PITPNB: variants seen among roughly 807,000 people sequenced by gnomAD.
PITPNB encodes phosphatidylinositol transfer protein beta.
PITPNB carries 16 observed loss-of-function variants against 45.9 expected under a neutral mutation model. The observed-to-expected ratio is 0.35, with a 90% confidence interval of 0.24 to 0.53. The LOEUF (loss-of-function observed/expected upper bound fraction) is 0.53, where lower values mean the gene tolerates loss of function less well. Ranked by LOEUF, PITPNB falls within the 20% of genes least tolerant of loss-of-function variation. The pLI, the probability that PITPNB is intolerant of heterozygous loss-of-function variation, is 0.93. For missense variants in PITPNB, 188 were observed against 330.5 expected, an observed-to-expected ratio of 0.57 and a Z score of 3.34; for synonymous variants, 112 against 108.9, an observed-to-expected ratio of 1.03 and a Z score of -0.18.
In PITPNB at chr22:27,852,766, C is replaced by T. The variant is rs1276993227; in HGVS notation, c.*936G>A. 2.0e-5 allele frequency: 3 copies of T among 152,622 alleles called. No homozygotes were observed. The highest frequency in any genetic ancestry group is 4.4e-5 in the Non-Finnish European group (3 of 68,036). 9.5% of individuals were successfully genotyped at this position (152,622 alleles called of 1,614,324 possible). A position where few individuals can be genotyped will look rare whatever the true frequency, so the allele number is the denominator to read the frequency against. ...CTTCAAAACAAGACTCCATGAAGTG[C>T]TATATTTCCAACTTTTCTACACAGC... On this transcript the variant is annotated 3_prime_UTR_variant, in exon 12 of 12. Coordinates refer to ENST00000335272, the MANE Select transcript of PITPNB (RefSeq NM_012399.5).
chr22:27,881,336 C>T (rs1934966080), intron 7 of PITPNB, among the ~76,000 whole-genome samples: 1 of 152,206 alleles, frequency 6.6e-6, no homozygotes, highest in South Asian at 2.1e-4. Flanking sequence ...AAGCTACTAT[C>T]ACATGCATTC....
At chr22:27,894,521 G>A in intron 7 of PITPNB, 34 bp downstream of exon 7, 1 of 1,104,252 alleles carries the variant, frequency 9.1e-7, no homozygotes, top group Non-Finnish European at 1.4e-6. Flanking sequence ...AACTGTAAAA[G>A]GGAACAGATT....
At chr22:27,869,789 A>T (rs1218198137) in intron 8 of PITPNB, among the ~76,000 whole-genome samples, 1 of 152,182 alleles carries the variant, frequency 6.6e-6, no homozygotes, top group Non-Finnish European at 1.5e-5. Flanking sequence ...AGTCTTTACA[A>T]CTACCTTCTG....
intron 7 of PITPNB, among the ~76,000 whole-genome samples, chr22:27,888,239 G>A (rs1047998610): frequency 3.9e-5 from 6 of 152,176 alleles, no homozygotes; most frequent in African/African-American, 4.8e-5. Flanking sequence ...TCACATGAGT[G>A]TGCCACAATG....
intron 8 of PITPNB, among the ~76,000 whole-genome samples, chr22:27,861,890 T>C (rs904153542): frequency 1.1e-4 from 16 of 152,224 alleles, no homozygotes; most frequent in African/African-American, 3.4e-4. Context: ...TTAATAAACG[T>C]TGTATTGACC....
In PITPNB at chr22:27,873,818, G is replaced by GA. The variant is rs757760139; in HGVS notation, c.457-4_457-3insT. 5 of 1,603,786 alleles carry GA rather than the reference G, an allele frequency of 3.1e-6. No homozygotes were observed. Among genetic ancestry groups the GA allele is most frequent in the Non-Finnish European group, 4.3e-6 (5 of 1,170,662 alleles). On this transcript the variant is annotated splice_region_variant and splice_polypyrimidine_tract_variant and intron_variant, in intron 7 of 11. Coordinates refer to ENST00000335272, the MANE Select transcript of PITPNB (RefSeq NM_012399.5). Reference sequence around the variant, plus strand: ...GGGTCTTCATCAGCTTTGTAGTCCTGCAAAGCAAAACAAAGTCAGAGGCAG... The same window carrying GA: ...GGGTCTTCATCAGCTTTGTAGTCCTGACAAAGCAAAACAAAGTCAGAGGCAG...
Position 27,853,674 on chromosome 22 carries a change from AGTG to A in PITPNB, c.*39-14_*39-12del. 6.5e-7 allele frequency: 1 copy of A among 1,541,632 alleles called. No individual in the cohort carries two copies. The highest frequency in any genetic ancestry group is 2.4e-5 in the East Asian group (1 of 40,884). On this transcript the variant is annotated splice_polypyrimidine_tract_variant and intron_variant, in intron 11 of 11. Coordinates refer to ENST00000335272, the MANE Select transcript of PITPNB (RefSeq NM_012399.5). ...ACCTTGATTACGTAACTGTAAGAAA[AGTG>A]AAAGACAGTGCAAAATGTGTTAAAA...
chr22:27,910,985 T>C lies in PITPNB; in HGVS notation c.176A>G (p.His59Arg), dbSNP rs779683685. Residue 59 changes from histidine (H) to arginine (R), a missense_variant, in exon 3 of 12, where the codon CAC becomes CGC. Coordinates refer to ENST00000335272, the MANE Select transcript of PITPNB (RefSeq NM_012399.5). The part of the protein sequence containing the change: ...EKDGEKGQYT[H>R]KIYHLKSKVP... ...TTACCTCTTTAGGTGATAAATTTTGTGCGTATACTGTCCCTTTTCTCCATC... is the reference window on the plus strand; with the variant it reads ...TTACCTCTTTAGGTGATAAATTTTGCGCGTATACTGTCCCTTTTCTCCATC... 2 of 1,613,352 alleles carry C rather than the reference T, an allele frequency of 1.2e-6. No individual in the cohort carries two copies. The highest frequency in any genetic ancestry group is 1.7e-6 in the Non-Finnish European group (2 of 1,179,292).
intron 3 of PITPNB, among the ~76,000 whole-genome samples, chr22:27,909,556 G>A (rs1306150697): frequency 6.6e-6 from 1 of 151,888 alleles, no homozygotes; most frequent in Non-Finnish European, 1.5e-5. Flanking sequence ...CACTAATAAA[G>A]AAATACAAAT....
In PITPNB at chr22:27,893,500, G is replaced by A. The variant is rs562655994; in HGVS notation, c.456+1055C>T. 8.1e-4 allele frequency among the ~76,000 whole-genome samples: 122 copies of A among 150,682 alleles called. 3 individuals carry two copies. In the South Asian group the frequency reaches 0.022, roughly 27 times the overall value. On this transcript the variant is annotated intron_variant, in intron 7 of 11. Transcript: ENST00000335272. ...GGGTTTCACCATGTTAGCCAGGATG[G>A]TCTCGATCTCCTGACCTCGTGATCT...
chr22:27,910,219 G>C (rs1262898533), intron 3 of PITPNB, among the ~76,000 whole-genome samples: 1 of 151,958 alleles, frequency 6.6e-6, no homozygotes, highest in Non-Finnish European at 1.5e-5. Context: ...CAAAGTGCTG[G>C]GATTACAAGC....
At chr22:27,903,966 T>C (rs1199076526) in intron 3 of PITPNB, among the ~76,000 whole-genome samples, 1 of 151,846 alleles carries the variant, frequency 6.6e-6, no homozygotes, top group African/African-American at 2.4e-5. Context: ...ACTAGAATGC[T>C]TGTAATAAAA....
At chr22:27,882,928 G>A (rs1007356323) in intron 7 of PITPNB, among the ~76,000 whole-genome samples, 1 of 152,200 alleles carries the variant, frequency 6.6e-6, no homozygotes, top group Non-Finnish European at 1.5e-5. Flanking sequence ...AAAACAAACA[G>A]TAAGTTCCAA....
chr22:27,897,459 C>T (rs1935468361), intron 4 of PITPNB, among the ~76,000 whole-genome samples: 2 of 152,164 alleles, frequency 1.3e-5, no homozygotes, highest in South Asian at 4.1e-4. Flanking sequence ...GAAGTCTGTC[C>T]TATTCCTCCT....
At chr22:27,883,693 TA>T (rs1175390690) in intron 7 of PITPNB, among the ~76,000 whole-genome samples, 1 of 152,180 alleles carries the variant, frequency 6.6e-6, no homozygotes, top group Non-Finnish European at 1.5e-5. Context: ...TGAAGTTAGC[TA>T]AAAATGCTCC....
Position 27,858,466 on chromosome 22 carries a change from C to A in PITPNB, c.689G>T (p.Cys230Phe). 6.2e-7 allele frequency: 1 copy of A among 1,610,998 alleles called. No homozygotes were observed. The highest frequency in any genetic ancestry group is 2.2e-5 in the East Asian group (1 of 44,782). ...GAGATCGATCCACTTGTCAATCCAA[C>A]AAAAAAGCTGGCGATGGAAGTTTGT... ...IFTNFHRQLFCWIDKWIDLTM... is the reference protein window; with the variant it reads ...IFTNFHRQLFFWIDKWIDLTM... The change falls in exon 10 of 12, where the codon TGT (cysteine) becomes TTT (phenylalanine). Residue 230 changes from cysteine (C) to phenylalanine (F), a missense_variant. Coordinates refer to ENST00000335272, the MANE Select transcript of PITPNB (RefSeq NM_012399.5).
chr22:27,898,657 T>C (rs527995006), intron 3 of PITPNB, among the ~76,000 whole-genome samples: 3 of 152,138 alleles, frequency 2.0e-5, no homozygotes, highest in African/African-American at 7.2e-5. Flanking sequence ...AAAATGACAA[T>C]GTAAAGGACC....
chr22:27,908,548 A>G (rs957868522), intron 3 of PITPNB, among the ~76,000 whole-genome samples: 9 of 152,104 alleles, frequency 5.9e-5, no homozygotes, highest in African/African-American at 1.7e-4. Context: ...AAAAAATTTT[A>G]TACATCAAAC....
intron 3 of PITPNB, among the ~76,000 whole-genome samples, chr22:27,899,284 C>T (rs555353886): frequency 6.6e-6 from 1 of 152,308 alleles, no homozygotes; most frequent in South Asian, 2.1e-4. Flanking sequence ...TTAATGTCTT[C>T]ACATCCTTAA....
Sources: gnomAD v4.1 joint callset for allele counts (sites outside exome capture counted in the v4.1 genomes callset) on GRCh38, gnomAD v4.1.1 for gene constraint, MANE v1.5 for transcripts, NCBI Gene and HGNC (gene_info 2026-07-23, HGNC 2026-07-21) for gene names.